The following FSTL5 variants were observed in gnomAD, a reference collection of about 807,000 sequenced individuals.
FSTL5 encodes follistatin like 5.
FSTL5 carries 62 observed loss-of-function variants against 89.1 expected under a neutral mutation model. That is an observed-to-expected ratio of 0.70 (90% CI 0.57 to 0.86). The LOEUF (loss-of-function observed/expected upper bound fraction) is 0.86, where lower values mean the gene tolerates loss of function less well. FSTL5 is among the 40% of genes least tolerant of loss of function. The pLI is 0.00. For synonymous variants in FSTL5, 383 were observed against 346.2 expected, an observed-to-expected ratio of 1.11 and a Z score of -1.18; for missense variants, 1,057 against 1,001.6, an observed-to-expected ratio of 1.06 and a Z score of -0.75.
chr4:161,425,993 T>A (rs1732156190), intron 15 of FSTL5, among the ~76,000 whole-genome samples: 1 of 151,926 alleles, frequency 6.6e-6, no homozygotes, highest in Non-Finnish European at 1.5e-5. Context: ...TATTTGGGAG[T>A]TTATCAAAGG....
intron 5 of FSTL5, among the ~76,000 whole-genome samples, chr4:161,774,088 C>T (rs1365751420): frequency 2.6e-5 from 4 of 152,054 alleles, no homozygotes; most frequent in South Asian, 2.1e-4. Flanking sequence ...GGTGAAACCC[C>T]GTCTCTACTA....
intron 15 of FSTL5, among the ~76,000 whole-genome samples, chr4:161,424,679 G>T (rs780853621): frequency 2.6e-5 from 4 of 152,100 alleles, no homozygotes; most frequent in Non-Finnish European, 4.4e-5. Context: ...GACTCAAAAT[G>T]TAGAGACTGG....
chr4:162,085,577 C>A (rs1403857685), intron 2 of FSTL5, among the ~76,000 whole-genome samples: 5 of 152,128 alleles, frequency 3.3e-5, no homozygotes, highest in Admixed American at 1.3e-4. Flanking sequence ...ACATCTCCAG[C>A]ATCCAATACG....
At chr4:161,895,833 G>A (rs1368604954) in intron 4 of FSTL5, among the ~76,000 whole-genome samples, 1 of 152,068 alleles carries the variant, frequency 6.6e-6, no homozygotes, top group Non-Finnish European at 1.5e-5. Flanking sequence ...GTTTCTAGGT[G>A]GCAGTGGTGG....
intron 4 of FSTL5, among the ~76,000 whole-genome samples, chr4:161,891,508 T>G (rs1732988817): frequency 6.6e-6 from 1 of 152,170 alleles, no homozygotes; most frequent in Non-Finnish European, 1.5e-5. Context: ...TGATGTTATC[T>G]AATTTAAATA....
chr4:161,593,854 CA>C (rs1293102897), intron 7 of FSTL5, among the ~76,000 whole-genome samples: 7 of 152,014 alleles, frequency 4.6e-5, no homozygotes, highest in Non-Finnish European at 1.0e-4. Context: ...ATACAAACTC[CA>C]TAACATAACT....
intron 2 of FSTL5, among the ~76,000 whole-genome samples, chr4:162,037,269 G>T (rs1737776951): frequency 6.6e-6 from 1 of 151,872 alleles, no homozygotes; most frequent in African/African-American, 2.4e-5. Flanking sequence ...GGAAGGCTTA[G>T]TCATAGATGC....
intron 3 of FSTL5, among the ~76,000 whole-genome samples, chr4:161,956,860 T>C (rs1279906545): frequency 1.3e-5 from 2 of 152,016 alleles, no homozygotes; most frequent in African/African-American, 2.4e-5. Context: ...ATATTGATAA[T>C]GCTCATTTAA....
chr4:161,774,569 C>CT (rs1741330709), intron 5 of FSTL5, among the ~76,000 whole-genome samples: 1 of 151,862 alleles, frequency 6.6e-6, no homozygotes, highest in Admixed American at 6.6e-5. Context: ...GATCTGATGT[C>CT]TTTTTTAAAA....
At chr4:161,396,835 G>A (rs1316786023) in intron 15 of FSTL5, among the ~76,000 whole-genome samples, 1 of 151,854 alleles carries the variant, frequency 6.6e-6, no homozygotes, top group Non-Finnish European at 1.5e-5. Flanking sequence ...TTGACTACAC[G>A]GTTTGGAGAA....
chr4:161,834,070 A>G (rs1298013766), intron 4 of FSTL5, among the ~76,000 whole-genome samples: 1 of 152,122 alleles, frequency 6.6e-6, no homozygotes, highest in Non-Finnish European at 1.5e-5. Context: ...ACTGGCAAAA[A>G]GAATCCAACA....
chr4:161,576,294 T>G (rs958255484), intron 8 of FSTL5, among the ~76,000 whole-genome samples: 1 of 152,194 alleles, frequency 6.6e-6, no homozygotes, highest in African/African-American at 2.4e-5. Flanking sequence ...ACCATTGACT[T>G]TCTTCACGGA....
chr4:161,933,139 T>C (rs563791869), intron 3 of FSTL5, among the ~76,000 whole-genome samples: 91 of 152,238 alleles, frequency 6.0e-4, no homozygotes, highest in African/African-American at 2.1e-3. Flanking sequence ...GTTAGGTATA[T>C]ATTTAGAGGA....
At chr4:161,855,371 C>T (rs934672316) in intron 4 of FSTL5, among the ~76,000 whole-genome samples, 14 of 151,950 alleles carry the variant, frequency 9.2e-5, no homozygotes, top group Admixed American at 9.2e-4. Context: ...GGAAACAAAA[C>T]AAACTTCTCC....
chr4:161,898,436 A>C (rs936559406), intron 4 of FSTL5, among the ~76,000 whole-genome samples: 2 of 151,920 alleles, frequency 1.3e-5, no homozygotes, highest in African/African-American at 4.8e-5. Flanking sequence ...ATATGGTAAG[A>C]TTACGCTTAG....
At chr4:162,082,264 A>G (rs1401378339) in intron 2 of FSTL5, among the ~76,000 whole-genome samples, 1 of 151,654 alleles carries the variant, frequency 6.6e-6, no homozygotes, top group Non-Finnish European at 1.5e-5. Flanking sequence ...GAAATTACTC[A>G]TTGAGTCTAA....
At chr4:161,840,247 G>A (rs989268493) in intron 4 of FSTL5, among the ~76,000 whole-genome samples, 4 of 152,092 alleles carry the variant, frequency 2.6e-5, no homozygotes, top group African/African-American at 9.7e-5. Flanking sequence ...GTGTGACTGG[G>A]AAGTAAAGAG....
chr4:161,676,235 A>G (rs1311037081), intron 6 of FSTL5, among the ~76,000 whole-genome samples: 2 of 152,108 alleles, frequency 1.3e-5, no homozygotes, highest in Non-Finnish European at 2.9e-5. Flanking sequence ...ATGATACCTT[A>G]TTTGCTTAAA....
chr4:161,710,069 A>G (rs1217113284), intron 6 of FSTL5, among the ~76,000 whole-genome samples: 1 of 151,966 alleles, frequency 6.6e-6, no homozygotes, highest in African/African-American at 2.4e-5. Flanking sequence ...CCTGGGGTCA[A>G]GCAATCCTTT....
Sources: allele counts gnomAD v4.1 joint callset (sites outside exome capture counted in the v4.1 genomes callset), GRCh38; gene constraint gnomAD v4.1.1; transcripts MANE v1.5; gene names NCBI Gene and HGNC (gene_info 2026-07-23, HGNC 2026-07-21).